The following PDZRN3 variants were observed in gnomAD, a reference collection of about 807,000 sequenced individuals.
PDZRN3 encodes the protein PDZ domain containing ring finger 3, also known as E3 ubiquitin-protein ligase PDZRN3.
A neutral mutation model predicts 85.7 loss-of-function variants in PDZRN3; 38 were observed. That is an observed-to-expected ratio of 0.44 (90% CI 0.34 to 0.58). PDZRN3 has a LOEUF of 0.58. PDZRN3 is among the 20% of genes least tolerant of loss of function. The probability of loss-of-function intolerance (pLI) is 0.01; values close to 1 mark genes in which losing one functional copy is unlikely to be tolerated. For synonymous variants in PDZRN3, 759 were observed against 638.0 expected, an observed-to-expected ratio of 1.19 and a Z score of -2.86; for missense variants, 1,629 against 1,506.4, an observed-to-expected ratio of 1.08 and a Z score of -1.35.
intron 3 of PDZRN3, among the ~76,000 whole-genome samples, chr3:73,416,876 G>GGT (rs1559667658): frequency 9.1e-6 from 1 of 110,406 alleles, no homozygotes; most frequent in Non-Finnish European, 1.8e-5. Context: ...TTTTTTTTTG[G>GGT]TTTTTTTTTT....
intron 3 of PDZRN3, among the ~76,000 whole-genome samples, chr3:73,472,253 G>A (rs1471030207): frequency 2.0e-5 from 3 of 152,206 alleles, no homozygotes; most frequent in Non-Finnish European, 2.9e-5. Context: ...TCTGCCCATA[G>A]GGGCTCACCC....
At chr3:73,584,754 C>T (rs1194091693) in intron 3 of PDZRN3, among the ~76,000 whole-genome samples, 1 of 152,004 alleles carries the variant, frequency 6.6e-6, no homozygotes, top group African/African-American at 2.4e-5. Flanking sequence ...TGTTAGAATA[C>T]CAAGCTAAGC....
At chr3:73,482,429 G>C (rs1703582425) in intron 3 of PDZRN3, among the ~76,000 whole-genome samples, 1 of 152,172 alleles carries the variant, frequency 6.6e-6, no homozygotes, top group South Asian at 2.1e-4. Context: ...GACAACTTTA[G>C]ATAGACACAA....
At chr3:73,532,909 C>T (rs1290563718) in intron 3 of PDZRN3, among the ~76,000 whole-genome samples, 7 of 152,130 alleles carry the variant, frequency 4.6e-5, no homozygotes, top group Non-Finnish European at 8.8e-5. Flanking sequence ...TAGTGACTGC[C>T]GGCTAGAGTG....
At chr3:73,416,449 C>G (rs1019115789) in intron 3 of PDZRN3, among the ~76,000 whole-genome samples, 1 of 151,754 alleles carries the variant, frequency 6.6e-6, no homozygotes, top group Non-Finnish European at 1.5e-5. Context: ...CCGACATAGT[C>G]TTTCTGTAAT....
Position 73,383,007 on chromosome 3 carries a change from G to A in PDZRN3, c.*358C>T, listed in dbSNP as rs1183081824. Reference sequence around the variant, plus strand: ...TTGTGTTTTAGGCAGGAAAAAAAGCGTGTTTAACTTTTTTATATGAATATA... The same window carrying A: ...TTGTGTTTTAGGCAGGAAAAAAAGCATGTTTAACTTTTTTATATGAATATA... On this transcript the variant is annotated 3_prime_UTR_variant, in exon 10 of 10. Coordinates refer to ENST00000263666, the MANE Select transcript of PDZRN3 (RefSeq NM_015009.3). 1 of 176,372 alleles carries A rather than the reference G, an allele frequency of 5.7e-6. No individual in the cohort carries two copies. The highest frequency in any genetic ancestry group is 1.2e-5 in the Non-Finnish European group (1 of 83,228). The allele number at this position is 176,372 out of a possible 1,614,324, so 10.9% of individuals were successfully genotyped here.
chr3:73,599,305 G>T (rs1395202037), intron 3 of PDZRN3, among the ~76,000 whole-genome samples: 2 of 152,288 alleles, frequency 1.3e-5, no homozygotes, highest in South Asian at 4.1e-4. Context: ...CAACATGTAC[G>T]AACCTTGAGG....
At chr3:73,494,155 C>A (rs1381935323) in intron 3 of PDZRN3, among the ~76,000 whole-genome samples, 1 of 152,168 alleles carries the variant, frequency 6.6e-6, no homozygotes, top group Non-Finnish European at 1.5e-5. Flanking sequence ...GAGAGTCCTG[C>A]CCGATAGAAT....
intron 3 of PDZRN3, among the ~76,000 whole-genome samples, chr3:73,434,387 A>G (rs577685092): frequency 2.4e-4 from 36 of 152,342 alleles, no homozygotes; most frequent in Admixed American, 3.3e-4. Flanking sequence ...TAATGTTCAT[A>G]TAATATTTAG....
In PDZRN3 at chr3:73,383,670, C is replaced by T. The variant is rs890173921; in HGVS notation, c.2896G>A (p.Glu966Lys). Residue 966 changes from glutamate (E) to lysine (K), a missense_variant, in exon 10 of 10, where the codon GAG becomes AAG. By Grantham distance (56) the Glu-to-Lys change is moderately conservative. Transcript: ENST00000263666. ...CTCCAGTAGCGCCCCATCTTCATCT[C>T]GCTCACCGCGTCGTCGTCGGTGGTC... is the stretch of plus-strand genomic sequence containing the variant. ...GMTTDDDAVSEMKMGRYWSKE... is the reference protein window; with the variant it reads ...GMTTDDDAVSKMKMGRYWSKE... The T allele has an allele frequency of 1.2e-6, 2 of 1,612,434 alleles. No homozygotes were observed. The highest frequency in any genetic ancestry group is 2.7e-5 in the African/African-American group (2 of 74,926).
At chr3:73,519,602 G>A (rs1489874281) in intron 3 of PDZRN3, among the ~76,000 whole-genome samples, 1 of 152,150 alleles carries the variant, frequency 6.6e-6, no homozygotes, top group Admixed American at 6.6e-5. Context: ...CCCAGCTTTT[G>A]CAAAATTGGG....
Position 73,444,205 on chromosome 3 carries a change from G to A in PDZRN3, c.919-39810C>T, listed in dbSNP as rs1056288623. Among the ~76,000 whole-genome samples the A allele has an allele frequency of 8.5e-5, 13 of 152,224 alleles. No individual in the cohort carries two copies. The South Asian group carries it at 2.7e-3, about 32-fold the overall frequency. ...GAATACCTTCCACACATACATTTGT[G>A]CTTGTTGAGATGTGAGCTCCATCCT... On this transcript the variant is annotated intron_variant, in intron 3 of 9. Transcript: ENST00000263666.
In PDZRN3 at chr3:73,419,410, A is replaced by T. The variant is rs183854462; in HGVS notation, c.919-15015T>A. Among the ~76,000 whole-genome samples the T allele has an allele frequency of 1.0e-3, 156 of 152,326 alleles. 2 individuals are homozygous for T. Among genetic ancestry groups the T allele is most frequent in the African/African-American group, 3.5e-3 (147 of 41,570 alleles). ...CCCAGCTGGGTGGAAATGCACTTGC[A>T]GCTTTGTCTCAGCAAAATGGTGTGT... On this transcript the variant is annotated intron_variant, in intron 3 of 9. Coordinates refer to ENST00000263666, the MANE Select transcript of PDZRN3 (RefSeq NM_015009.3).
intron 3 of PDZRN3, among the ~76,000 whole-genome samples, chr3:73,492,748 G>C (rs1460274838): frequency 6.6e-6 from 1 of 152,140 alleles, no homozygotes; most frequent in East Asian, 1.9e-4. Context: ...ACAGTACTGT[G>C]TATTTCAAAA....
At chr3:73,434,105 T>A (rs903114167) in intron 3 of PDZRN3, 1 of 269,346 alleles carries the variant, frequency 3.7e-6, no homozygotes, top group African/African-American at 2.3e-5. Context: ...TTGCCAACTA[T>A]GACAGTTGAA....
intron 3 of PDZRN3, among the ~76,000 whole-genome samples, chr3:73,487,904 C>T (rs1191797887): frequency 6.6e-6 from 1 of 152,180 alleles, no homozygotes; most frequent in African/African-American, 2.4e-5. Context: ...GAAACATCAC[C>T]TAATGAGAAC....
intron 3 of PDZRN3, among the ~76,000 whole-genome samples, chr3:73,477,939 T>C (rs570996935): frequency 5.3e-5 from 8 of 152,128 alleles, no homozygotes; most frequent in African/African-American, 1.9e-4. Flanking sequence ...GTGAGACTTA[T>C]TCATTATCAT....
intron 3 of PDZRN3, among the ~76,000 whole-genome samples, chr3:73,530,226 C>T (rs1422372536): frequency 6.6e-6 from 1 of 152,270 alleles, no homozygotes; most frequent in South Asian, 2.1e-4. Context: ...GAACAATGAC[C>T]ACAAAGATGT....
chr3:73,586,616 C>T (rs949350682), intron 3 of PDZRN3, among the ~76,000 whole-genome samples: 7 of 152,150 alleles, frequency 4.6e-5, no homozygotes, highest in African/African-American at 1.7e-4. Flanking sequence ...GGACACTTCA[C>T]CGGGGGGGTC....
Sources: gnomAD v4.1 joint callset for allele counts (sites outside exome capture counted in the v4.1 genomes callset) on GRCh38, gnomAD v4.1.1 for gene constraint, MANE v1.5 for transcripts, NCBI Gene and HGNC (gene_info 2026-07-23, HGNC 2026-07-21) for gene names.